Variants in TENM2 observed in about 807,000 individuals in gnomAD.
TENM2 encodes the protein teneurin-2.
TENM2 carries 52 observed loss-of-function variants against 245.2 expected under a neutral mutation model. The ratio of observed to expected loss-of-function variants is 0.21; its 90% CI spans 0.17 to 0.27. The LOEUF is 0.27. Among genes scored for constraint, TENM2 ranks in the 10% least tolerant of loss-of-function variants. TENM2 has a pLI of 1.00. For missense variants in TENM2, 3,046 were observed against 3,666.8 expected (o/e 0.83, Z 4.37); for synonymous variants, 1,363 against 1,438.9 (o/e 0.95, Z 1.19).
chr5:167,989,809 G>A (rs928639591), intron 4 of TENM2, among the ~76,000 whole-genome samples: 4 of 152,192 alleles, frequency 2.6e-5, no homozygotes, highest in African/African-American at 7.2e-5. Context: ...AAGTCCAGGA[G>A]GGGTGGAGTT....
At chr5:167,591,109 A>G (rs1253035165) in intron 2 of TENM2, among the ~76,000 whole-genome samples, 2 of 152,180 alleles carry the variant, frequency 1.3e-5, no homozygotes, top group East Asian at 3.8e-4. Flanking sequence ...CCCACGATAA[A>G]ATTTTGTAAG....
chr5:167,420,913 A>G (rs1485193533), intron 2 of TENM2, among the ~76,000 whole-genome samples: 1 of 152,212 alleles, frequency 6.6e-6, no homozygotes, highest in African/African-American at 2.4e-5. Context: ...TAAAGAAATG[A>G]GTGAAGGAAG....
the TENM2 span, among the ~76,000 whole-genome samples, chr5:167,173,688 T>C: frequency 6.6e-6 from 1 of 150,794 alleles, no homozygotes; most frequent in African/African-American, 2.5e-5. Context: ...AATTTCTCAT[T>C]TGTCTCAAGG....
chr5:167,495,637 C>T (rs1377096329), intron 2 of TENM2, among the ~76,000 whole-genome samples: 1 of 152,026 alleles, frequency 6.6e-6, no homozygotes, highest in Non-Finnish European at 1.5e-5. Flanking sequence ...TCTGTGATTT[C>T]TGAGATCCGG....
At chr5:167,937,727 G>T (rs1403202562) in intron 3 of TENM2, 1 of 152,056 alleles carries the variant, frequency 6.6e-6, no homozygotes, top group Non-Finnish European at 1.5e-5. Flanking sequence ...GGGTCAGACC[G>T]CACGTGTTTT....
chr5:167,466,603 G>T (rs953358500), intron 2 of TENM2, among the ~76,000 whole-genome samples: 5 of 152,098 alleles, frequency 3.3e-5, no homozygotes, highest in African/African-American at 1.2e-4. Context: ...GTTTTATTAT[G>T]CCTGATAGTT....
chr5:167,722,702 G>A (rs966979353), intron 2 of TENM2, among the ~76,000 whole-genome samples: 3 of 152,056 alleles, frequency 2.0e-5, no homozygotes, highest in Admixed American at 6.6e-5. Flanking sequence ...GCTTGAACCC[G>A]GGACAAGGAG....
At chr5:168,227,564 CT>C (rs1356569784) in intron 24 of TENM2, among the ~76,000 whole-genome samples, 1 of 144,942 alleles carries the variant, frequency 6.9e-6, no homozygotes, top group Non-Finnish European at 1.5e-5. Context: ...ATATGTTAAG[CT>C]TCGGGAATTT....
At chr5:167,466,622 TTAAAA>T (rs990065570) in intron 2 of TENM2, among the ~76,000 whole-genome samples, 8 of 152,352 alleles carry the variant, frequency 5.3e-5, no homozygotes, top group Middle Eastern at 6.8e-3. Context: ...TTAAAAATAC[TTAAAA>T]TATAGTAAAG....
chr5:167,234,374 C>T, the TENM2 span, among the ~76,000 whole-genome samples: 1 of 152,114 alleles, frequency 6.6e-6, no homozygotes, highest in African/African-American at 2.4e-5. Context: ...AAGAATGTGT[C>T]CTTGAGGCTG....
chr5:167,993,795 TG>T (rs1262362931), intron 5 of TENM2, among the ~76,000 whole-genome samples: 2 of 152,208 alleles, frequency 1.3e-5, no homozygotes, highest in Non-Finnish European at 2.9e-5. Context: ...CTCCTCACCA[TG>T]GACAGCTGAA....
chr5:167,236,362 A>G, the TENM2 span, among the ~76,000 whole-genome samples: 2 of 152,180 alleles, frequency 1.3e-5, no homozygotes, highest in African/African-American at 4.8e-5. Flanking sequence ...AGCTACTATC[A>G]TTTCTAGTAT....
At chr5:168,162,652 C>G (rs1458146339) in exon 13 of TENM2, 1 of 1,614,014 alleles carries the variant, frequency 6.2e-7, no homozygotes, top group Admixed American at 1.7e-5. Flanking sequence ...GAGATGCACA[C>G]TGGGTCAGAA....
At chr5:167,163,548 G>A in the TENM2 span, among the ~76,000 whole-genome samples, 1 of 147,350 alleles carries the variant, frequency 6.8e-6, no homozygotes, top group Non-Finnish European at 1.5e-5. Context: ...CTTTGTTTAT[G>A]AATTATCTGG....
chr5:167,716,195 G>A (rs764422365), intron 2 of TENM2, among the ~76,000 whole-genome samples: 10 of 152,264 alleles, frequency 6.6e-5, no homozygotes, highest in Middle Eastern at 3.4e-3. Flanking sequence ...CTCCTGTCAC[G>A]AAGGCTTGAA....
At chr5:167,078,782 A>C in the TENM2 span, among the ~76,000 whole-genome samples, 1 of 152,160 alleles carries the variant, frequency 6.6e-6, no homozygotes, top group South Asian at 2.1e-4. Flanking sequence ...AAGACATCTT[A>C]TTGAATATAA....
intron 2 of TENM2, among the ~76,000 whole-genome samples, chr5:167,497,978 A>G (rs1460653349): frequency 2.6e-5 from 4 of 152,132 alleles, no homozygotes; most frequent in Non-Finnish European, 4.4e-5. Context: ...ACTATTTTTC[A>G]CATCATTGGA....
At chr5:167,976,133 T>A (rs549098789) in intron 4 of TENM2, among the ~76,000 whole-genome samples, 13 of 152,174 alleles carry the variant, frequency 8.5e-5, no homozygotes, top group Non-Finnish European at 1.8e-4. Flanking sequence ...TTCCTCTTTC[T>A]CTTCTTTCCT....
the TENM2 span, among the ~76,000 whole-genome samples, chr5:166,995,986 T>C: frequency 6.6e-6 from 1 of 151,984 alleles, no homozygotes. Context: ...ATAATATTTT[T>C]ATTTTTATGA....
Sources: allele counts gnomAD v4.1 joint callset (sites outside exome capture counted in the v4.1 genomes callset), GRCh38; gene constraint gnomAD v4.1.1; transcripts MANE v1.5; gene names NCBI Gene and HGNC (gene_info 2026-07-23, HGNC 2026-07-21).